Variants in SBF2 observed in about 807,000 individuals in gnomAD.
The protein encoded by SBF2 is myotubularin-related protein 13.
SBF2 carries 112 observed loss-of-function variants against 225.2 expected under a neutral mutation model. The observed-to-expected ratio is 0.50, with a 90% CI of 0.43 to 0.58. The LOEUF (loss-of-function observed/expected upper bound fraction) is 0.58. SBF2 is among the 20% of genes least tolerant of loss of function. The pLI is 0.00. For synonymous variants in SBF2, 763 were observed against 773.3 expected, an observed-to-expected ratio of 0.99 and a Z score of 0.22; for missense variants, 1,996 against 2,206.2, an observed-to-expected ratio of 0.90 and a Z score of 1.91.
At chr11:10,150,534 T>G (rs1418661385) in intron 2 of SBF2, among the ~76,000 whole-genome samples, 1 of 152,166 alleles carries the variant, frequency 6.6e-6, no homozygotes, top group African/African-American at 2.4e-5. Context: ...TACTTTGAAA[T>G]GTTTTAAAAT....
chr11:10,011,457 G>C (rs939298778), intron 6 of SBF2, among the ~76,000 whole-genome samples: 6 of 152,184 alleles, frequency 3.9e-5, no homozygotes, highest in Non-Finnish European at 8.8e-5. Context: ...GGGCTCAAGT[G>C]ATCCACCCAC....
chr11:9,796,037 A>C (rs1853101103), intron 32 of SBF2, 80 bp from the exon 33 acceptor site: 1 of 1,381,864 alleles, frequency 7.2e-7, no homozygotes, highest in Non-Finnish European at 1.0e-6. Flanking sequence ...GGCTTAACTG[A>C]AACATGCAGG....
At chr11:9,997,985 A>C (rs948302453) in intron 9 of SBF2, among the ~76,000 whole-genome samples, 22 of 152,310 alleles carry the variant, frequency 1.4e-4, no homozygotes, top group Admixed American at 1.4e-3. Context: ...CCTTGTTTTC[A>C]AAGGTGAATT....
intron 9 of SBF2, among the ~76,000 whole-genome samples, chr11:9,996,957 G>C (rs1947730349): frequency 6.6e-6 from 1 of 152,128 alleles, no homozygotes; most frequent in Non-Finnish European, 1.5e-5. Context: ...GCAGAACACA[G>C]ACTGGAATTC....
intron 16 of SBF2, among the ~76,000 whole-genome samples, chr11:9,942,901 G>GAGAGAAAGAA (rs1209099295): frequency 7.6e-4 from 77 of 101,378 alleles, no homozygotes; most frequent in South Asian, 2.9e-3. Flanking sequence ...AAGAGAGAGA[G>GAGAGAAAGAA]AGAAAGAAAG....
rs145736777 is a variant in SBF2, at chr11:10,183,143, T to A, written c.141+10759A>T. Among the ~76,000 whole-genome samples, 52 of 152,264 alleles carry A rather than the reference T, an allele frequency of 3.4e-4. No homozygotes were observed. The Middle Eastern group carries it at 0.01, about 30-fold the overall frequency. ...GTGATCATCACCCCACATTTTCTAA[T>A]ATACCCAAAATTCTGGCTTGAAGAA... On this transcript the variant is annotated intron_variant, in intron 2 of 39. Transcript: ENST00000256190.
chr11:10,288,877 T>A lies in SBF2; in HGVS notation c.55+5138A>T, dbSNP rs751582995. Among the ~76,000 whole-genome samples, 11 of 152,096 alleles carry A rather than the reference T, an allele frequency of 7.2e-5. No individual in the cohort carries two copies. The South Asian group carries it at 1.2e-3, about 17-fold the overall frequency. On this transcript the variant is annotated intron_variant, in intron 1 of 39. Coordinates refer to ENST00000256190, the MANE Select transcript of SBF2 (RefSeq NM_030962.4). ...GTGGGCCCAGAAAAGGTACCACAAG[T>A]CCTCGCTCTAGTCCATAGGACTGGC...
intron 16 of SBF2, chr11:9,959,624 C>T: frequency 1.3e-6 from 1 of 759,140 alleles, no homozygotes; most frequent in Non-Finnish European, 2.5e-6. Context: ...CACCAAAATT[C>T]TACTCAGGTA....
chr11:10,068,845 T>A (rs1246369262), intron 2 of SBF2, among the ~76,000 whole-genome samples: 1 of 152,182 alleles, frequency 6.6e-6, no homozygotes, highest in African/African-American at 2.4e-5. Context: ...TACTGATTAT[T>A]TTGAATTCTT....
chr11:9,931,578 C>T (rs1001511394), intron 16 of SBF2, among the ~76,000 whole-genome samples: 7 of 151,532 alleles, frequency 4.6e-5, no homozygotes, highest in African/African-American at 1.7e-4. Flanking sequence ...AAAGGAATAG[C>T]ACCAACATCA....
chr11:9,801,376 T>C (rs1300810593), intron 32 of SBF2, among the ~76,000 whole-genome samples: 3 of 152,292 alleles, frequency 2.0e-5, no homozygotes, highest in Non-Finnish European at 4.4e-5. Context: ...GTCTTTTTTT[T>C]TGCCCATGTG....
chr11:10,203,641 C>A (rs1957644672), intron 1 of SBF2, among the ~76,000 whole-genome samples: 1 of 150,890 alleles, frequency 6.6e-6, no homozygotes, highest in African/African-American at 2.4e-5. Flanking sequence ...AAAAATCAAT[C>A]AACTGAAATA....
At chr11:9,943,895 C>T (rs919321246) in intron 16 of SBF2, among the ~76,000 whole-genome samples, 3 of 152,160 alleles carry the variant, frequency 2.0e-5, no homozygotes, top group Admixed American at 6.5e-5. Flanking sequence ...CCAAGAGAAG[C>T]TCTTGCACAA....
intron 17 of SBF2, among the ~76,000 whole-genome samples, chr11:9,874,115 C>A (rs78353378): frequency 0.067 from 10,152 of 152,042 alleles, 532 homozygotes; most frequent in East Asian, 0.27. Flanking sequence ...GAGTTTAAAT[C>A]CTCTCATTAA....
intron 16 of SBF2, among the ~76,000 whole-genome samples, chr11:9,909,385 G>T (rs1388215140): frequency 6.6e-6 from 1 of 151,804 alleles, no homozygotes; most frequent in Non-Finnish European, 1.5e-5. Context: ...AAGATACCCT[G>T]AGGCGGCTGG....
intron 9 of SBF2, among the ~76,000 whole-genome samples, chr11:9,997,677 C>T (rs995695965): frequency 4.6e-5 from 7 of 152,158 alleles, no homozygotes; most frequent in Non-Finnish European, 1.0e-4. Flanking sequence ...ACTCGGGAGG[C>T]TGAGGCAGGA....
At chr11:10,003,833 C>T (rs1250083522) in intron 6 of SBF2, among the ~76,000 whole-genome samples, 1 of 151,944 alleles carries the variant, frequency 6.6e-6, no homozygotes, top group Non-Finnish European at 1.5e-5. Context: ...TTATATATAT[C>T]ATTTCTTATT....
intron 29 of SBF2, among the ~76,000 whole-genome samples, chr11:9,816,137 G>C (rs1248637572): frequency 6.6e-6 from 1 of 152,170 alleles, no homozygotes; most frequent in African/African-American, 2.4e-5. Context: ...AATTTATTTT[G>C]TAATGTGTGA....
chr11:9,849,549 AG>A (rs1339208706), intron 22 of SBF2, among the ~76,000 whole-genome samples: 1 of 152,232 alleles, frequency 6.6e-6, no homozygotes, highest in African/African-American at 2.4e-5. Context: ...GTCTGCTAAA[AG>A]GGAAGTGGAG....
Sources: allele counts gnomAD v4.1 joint callset (sites outside exome capture counted in the v4.1 genomes callset), GRCh38; gene constraint gnomAD v4.1.1; transcripts MANE v1.5; gene names NCBI Gene and HGNC (gene_info 2026-07-23, HGNC 2026-07-21).